The following RBFOX1 variants were observed in gnomAD, a reference collection of about 807,000 sequenced individuals.
RBFOX1 encodes RNA binding protein fox-1 homolog 1.
Under a neutral mutation model 57.7 loss-of-function variants are expected in RBFOX1, and 8 were observed. That is an observed-to-expected ratio of 0.14 (90% CI 0.08 to 0.25). The LOEUF (loss-of-function observed/expected upper bound fraction) is 0.25, where lower values mean the gene tolerates loss of function less well. Ranked by LOEUF, RBFOX1 falls within the 10% of genes least tolerant of loss-of-function variation. The pLI is 1.00. For missense variants in RBFOX1, 611 were observed against 548.5 expected, an observed-to-expected ratio of 1.11 and a Z score of -1.14; for synonymous variants, 326 against 222.4, an observed-to-expected ratio of 1.47 and a Z score of -4.15.
chr16:6,560,711 G>C (rs1030549413), intron 2 of RBFOX1, among the ~76,000 whole-genome samples: 5 of 152,134 alleles, frequency 3.3e-5, no homozygotes, highest in African/African-American at 1.2e-4. Flanking sequence ...AATTGATTAT[G>C]AGGGCGCTTA....
At chr16:7,100,443 T>C (rs564411793) in intron 4 of RBFOX1, among the ~76,000 whole-genome samples, 4 of 152,280 alleles carry the variant, frequency 2.6e-5, no homozygotes, top group African/African-American at 9.6e-5. Flanking sequence ...TATTTGAATT[T>C]TCATAGATAC....
At chr16:6,160,840 T>C (rs1234464199) in intron 1 of RBFOX1, among the ~76,000 whole-genome samples, 3 of 152,190 alleles carry the variant, frequency 2.0e-5, no homozygotes, top group Non-Finnish European at 4.4e-5. Flanking sequence ...TGTTGTCCCA[T>C]GAATGCCTTA....
At chr16:7,666,839 T>C (rs1181160228) in intron 13 of RBFOX1, among the ~76,000 whole-genome samples, 1 of 152,138 alleles carries the variant, frequency 6.6e-6, no homozygotes, top group African/African-American at 2.4e-5. Flanking sequence ...CTTTAGGAGA[T>C]TTTGTCTCTC....
At chr16:7,644,077 A>G (rs771857717) in intron 11 of RBFOX1, among the ~76,000 whole-genome samples, 3 of 152,166 alleles carry the variant, frequency 2.0e-5, no homozygotes, top group Admixed American at 1.3e-4. Context: ...TAAGAAGCAG[A>G]GAGAGAGTAG....
chr16:6,731,399 A>G (rs2068547956), intron 3 of RBFOX1, among the ~76,000 whole-genome samples: 2 of 152,138 alleles, frequency 1.3e-5, no homozygotes, highest in South Asian at 4.1e-4. Context: ...CAGTGACCTC[A>G]CATCTCATCT....
intron 1 of RBFOX1, among the ~76,000 whole-genome samples, chr16:6,118,601 CTCTG>C (rs977454326): frequency 6.6e-6 from 1 of 151,782 alleles, no homozygotes; most frequent in Non-Finnish European, 1.5e-5. Context: ...CCCTCTCTTT[CTCTG>C]TCTCTCTTGC....
At chr16:7,477,416 G>A (rs1290582628) in intron 4 of RBFOX1, among the ~76,000 whole-genome samples, 2 of 152,080 alleles carry the variant, frequency 1.3e-5, no homozygotes, top group East Asian at 3.9e-4. Context: ...GGGGTCGGGG[G>A]GTGGTTGTGC....
At chr16:6,715,533 A>G (rs901063438) in intron 3 of RBFOX1, among the ~76,000 whole-genome samples, 2 of 152,188 alleles carry the variant, frequency 1.3e-5, no homozygotes, top group African/African-American at 2.4e-5. Context: ...CTCTAACGGA[A>G]CTTTATTGCC....
intron 4 of RBFOX1, among the ~76,000 whole-genome samples, chr16:7,273,205 C>A (rs1270953350): frequency 2.8e-5 from 1 of 35,606 alleles, no homozygotes; most frequent in Non-Finnish European, 6.7e-5. Flanking sequence ...TTCCTCCCTC[C>A]CTTCCTTCCT....
intron 2 of RBFOX1, among the ~76,000 whole-genome samples, chr16:5,468,152 G>C (rs1409235651): frequency 6.6e-6 from 1 of 152,188 alleles, no homozygotes; most frequent in Admixed American, 6.5e-5. Flanking sequence ...ATGGGTAGAA[G>C]AGTTTGAGTA....
chr16:6,343,805 C>T (rs984872834), intron 2 of RBFOX1, among the ~76,000 whole-genome samples: 2 of 152,114 alleles, frequency 1.3e-5, no homozygotes, highest in African/African-American at 4.8e-5. Context: ...TCTGTGTTTT[C>T]CATGCATAAT....
intron 2 of RBFOX1, among the ~76,000 whole-genome samples, chr16:6,329,111 A>G (rs2082707710): frequency 6.6e-6 from 1 of 152,002 alleles, no homozygotes; most frequent in African/African-American, 2.4e-5. Context: ...TCATACTCAT[A>G]ATGGTTTGAG....
chr16:6,100,316 T>C (rs2096289610), intron 1 of RBFOX1, among the ~76,000 whole-genome samples: 1 of 152,134 alleles, frequency 6.6e-6, no homozygotes, highest in Non-Finnish European at 1.5e-5. Flanking sequence ...GCGCCCGCCA[T>C]TACGCCTGGC....
Position 5,827,967 on chromosome 16 carries a change from A to C in RBFOX1, c.319-39336A>C, listed in dbSNP as rs1008052136. Among the ~76,000 whole-genome samples, 6 of 101,512 alleles carry C rather than the reference A, an allele frequency of 5.9e-5. No homozygotes were observed. In the Admixed American group the frequency reaches 8.0e-4, roughly 14 times the overall value. 66.6% of individuals were successfully genotyped at this position (101,512 alleles called of 152,430 possible). ...CACCCACCCACCCACCTATCCATGC[A>C]TCCATCCATGCATTCCTCTATGCAT... On this transcript the variant is annotated intron_variant, in intron 3 of 19. Coordinates refer to the RBFOX1 transcript ENST00000641259.
intron 4 of RBFOX1, among the ~76,000 whole-genome samples, chr16:7,221,693 T>C (rs1286917308): frequency 1.3e-5 from 2 of 152,216 alleles, no homozygotes; most frequent in African/African-American, 2.4e-5. Flanking sequence ...TAAATTATCC[T>C]GTTCTCCACA....
intron 3 of RBFOX1, among the ~76,000 whole-genome samples, chr16:5,744,570 A>C (rs2052902414): frequency 6.6e-6 from 1 of 152,204 alleles, no homozygotes. Flanking sequence ...TTTACAACAC[A>C]GACATTGGCA....
chr16:7,363,875 G>T (rs2097380795), intron 4 of RBFOX1, among the ~76,000 whole-genome samples: 1 of 152,146 alleles, frequency 6.6e-6, no homozygotes, highest in Non-Finnish European at 1.5e-5. Flanking sequence ...GGGCTGCTTA[G>T]CACATGTTGG....
At chr16:7,698,585 A>C (rs1208120143) in intron 14 of RBFOX1, among the ~76,000 whole-genome samples, 8 of 152,168 alleles carry the variant, frequency 5.3e-5, no homozygotes, top group Admixed American at 5.2e-4. Context: ...TATTTAGAAG[A>C]AGTTTCCCAA....
At chr16:6,669,435 A>G (rs1468833100) in intron 3 of RBFOX1, among the ~76,000 whole-genome samples, 2 of 152,192 alleles carry the variant, frequency 1.3e-5, no homozygotes, top group Non-Finnish European at 2.9e-5. Context: ...ACTAACAGCT[A>G]TCAGAATTTG....
Sources: gnomAD v4.1 joint callset for allele counts (sites outside exome capture counted in the v4.1 genomes callset) on GRCh38, gnomAD v4.1.1 for gene constraint, MANE v1.5 for transcripts, NCBI Gene and HGNC (gene_info 2026-07-23, HGNC 2026-07-21) for gene names.